The following TULP1 variants were observed in gnomAD, a reference collection of about 807,000 sequenced individuals.
TULP1 encodes the protein tubby-related protein 1.
TULP1 carries 50 observed loss-of-function variants against 67.1 expected under a neutral mutation model. The ratio of observed to expected loss-of-function variants is 0.75; its 90% CI spans 0.59 to 0.94. TULP1 has a LOEUF of 0.94. Ranked by LOEUF, TULP1 falls within the 40% of genes least tolerant of loss-of-function variation. The pLI, the probability that TULP1 is intolerant of heterozygous loss-of-function variation, is 0.00. For synonymous variants in TULP1, 297 were observed against 294.0 expected (o/e 1.01, Z -0.11); for missense variants, 746 against 734.1 (o/e 1.02, Z -0.19).
rs761667984 is a variant in TULP1 at position 35,511,740 on chromosome 6, G to A, written c.257C>T (p.Thr86Met). 9 of 1,587,402 alleles carry A rather than the reference G, an allele frequency of 5.7e-6. No individual in the cohort carries two copies. The highest frequency in any genetic ancestry group is 4.6e-5 in the South Asian group (4 of 87,054). Residue 86 changes from threonine (T) to methionine (M), a missense_variant, in exon 4 of 15, where the codon ACG becomes ATG. This residue lies in a region of TULP1 where 359 missense variants were observed against 341.9 expected (regional missense o/e 1.05). Coordinates refer to ENST00000229771, the MANE Select transcript of TULP1 (RefSeq NM_003322.6). ...PDPAQARAPQ[T>M]VYARFLRDPE... The stretch of plus-strand genomic sequence containing the variant: ...GTCCCTGAGGAACCTGGCGTAGACC[G>A]TCTGCGGCGCCCGGGCCTGGGCTGG...
In TULP1 at chr6:35,506,101, G is replaced by T. The variant is rs201070350; in HGVS notation, c.901C>A (p.Gln301Lys). ...AGCCGGCAGCGCACCGTGCGGCCCT[G>T]GGGGGCAGGCCGGAGCACAAACTCC... ...PREFVLRPAP[Q>K]GRTVRCRLTR... is the part of the protein sequence containing the mutation. Residue 301 changes from glutamine (Q) to lysine (K), a missense_variant, in exon 10 of 15, where the codon CAG (glutamine) becomes AAG (lysine). By Grantham distance (53) the Gln-to-Lys change is moderately conservative (BLOSUM62 1). Coordinates refer to ENST00000229771, the MANE Select transcript of TULP1 (RefSeq NM_003322.6). 6.2e-7 allele frequency: 1 copy of T among 1,613,462 alleles called. No individual in the cohort carries two copies. Among genetic ancestry groups the T allele is most frequent in the South Asian group, 1.1e-5 (1 of 91,068 alleles).
At position 35,512,648 on chromosome 6, in the gene TULP1, G is replaced by T. The variant is rs775605422; in HGVS notation, c.90C>A (p.Arg30=). Residue 30 remains arginine (R), a synonymous_variant, in exon 2 of 15, where the codon CGC becomes CGA. Coordinates refer to ENST00000229771, the MANE Select transcript of TULP1 (RefSeq NM_003322.6). ...AAGTGGGGTGGCATACCTGTTTGGGGCGCCGCGGGGCCTCCGGGCTCAGGC... is the reference window on the plus strand; with the variant it reads ...AAGTGGGGTGGCATACCTGTTTGGGTCGCCGCGGGGCCTCCGGGCTCAGGC... The part of the protein sequence containing the change: ...EESLSPEAPR[R]PKQRPAPAQR... 1 of 1,613,946 alleles carries T rather than the reference G, an allele frequency of 6.2e-7. No individual in the cohort carries two copies. Among genetic ancestry groups the T allele is most frequent in the Admixed American group, 1.7e-5 (1 of 60,008 alleles).
Position 35,511,688 on chromosome 6 carries a change from C to T in TULP1, c.309G>A (p.Arg103=), listed in dbSNP as rs1761205997. The part of the protein sequence containing the change: ...RDPEAKKRDP[R]ETFLVARAPD... ...GGGCACGGGCTACCAGAAAGGTTTC[C>T]CGGGGGTCGCGCTTCTTGGCCTCGG... Residue 103 remains arginine (R), a synonymous_variant, in exon 4 of 15, where the codon CGG becomes CGA. Transcript: ENST00000229771. 1 of 1,594,948 alleles carries T rather than the reference C, an allele frequency of 6.3e-7. No homozygotes were observed.
rs1273940246 is a variant in TULP1, at chr6:35,503,612, T to C, written c.1270A>G (p.Ile424Val). Reference sequence around the variant, plus strand: ...TTCTCCGCACTCATGCCAGGAATGATGACGGTCATGCGCCGGGGGCCACGG... The same window carrying C: ...TTCTCCGCACTCATGCCAGGAATGACGACGGTCATGCGCCGGGGGCCACGG... The part of the protein sequence containing the change: ...GFRGPRRMTV[I>V]IPGMSAENER... The change falls in exon 13 of 15, where the codon ATC becomes GTC. Residue 424 changes from isoleucine (I) to valine (V), a missense_variant. This residue lies in a region of TULP1 where 383 missense variants were observed against 374.1 expected (regional missense o/e 1.02). Coordinates refer to ENST00000229771, the MANE Select transcript of TULP1 (RefSeq NM_003322.6). This position sits in a 1 kb window ranked among gnomAD's most constrained non-coding sequence, Gnocchi z 4.0. 6.3e-7 allele frequency: 1 copy of C among 1,598,456 alleles called. No individual in the cohort carries two copies. Among genetic ancestry groups the C allele is most frequent in the African/African-American group, 1.3e-5 (1 of 74,592 alleles).
At chr6:35,504,571 A>AT (rs1031877618) in intron 11 of TULP1, among the ~76,000 whole-genome samples, 4 of 151,040 alleles carry the variant, frequency 2.6e-5, no homozygotes, top group Non-Finnish European at 4.4e-5. Flanking sequence ...TTTTTTCTTT[A>AT]TTTTTTTCAG....
Position 35,511,696 on chromosome 6 carries a change from C to A in TULP1, c.301G>T (p.Asp101Tyr). Reference protein sequence around the residue: ...FLRDPEAKKRDPRETFLVARA... With the variant: ...FLRDPEAKKRYPRETFLVARA... ...GCTACCAGAAAGGTTTCCCGGGGGT[C>A]GCGCTTCTTGGCCTCGGGGTCCCTG... is the stretch of plus-strand genomic sequence containing the variant. Residue 101 changes from aspartate to tyrosine, a missense_variant, in exon 4 of 15, where the codon GAC becomes TAC. Asp to Tyr is a radical substitution (Grantham distance 160). This residue lies in a region of TULP1 where 359 missense variants were observed against 341.9 expected (regional missense o/e 1.05). Transcript: ENST00000229771. 2 of 1,593,922 alleles carry A rather than the reference C, an allele frequency of 1.3e-6. No individual in the cohort carries two copies. Among genetic ancestry groups the A allele is most frequent in the Non-Finnish European group, 1.7e-6 (2 of 1,170,176 alleles).
chr6:35,503,476 AG>A lies in TULP1; in HGVS notation c.1323+82del. ...GTGTTGGAGGGTGATGGATGTGCTC[AG>A]GGAGTTGGCTATTTCCTAAGCTGAG... On this transcript the variant is annotated intron_variant, in intron 13 of 14. Transcript: ENST00000229771. This position sits in a 1 kb window ranked among gnomAD's most constrained non-coding sequence, Gnocchi z 4.0. The A allele has an allele frequency of 1.5e-6, 2 of 1,354,616 alleles. No individual in the cohort carries two copies. The highest frequency in any genetic ancestry group is 2.1e-6 in the Non-Finnish European group (2 of 973,776). The allele number at this position is 1,354,616 out of a possible 1,614,324, so 83.9% of individuals were successfully genotyped here. A position where few individuals can be genotyped will look rare whatever the true frequency, so the allele number is the denominator to read the frequency against.
Position 35,498,314 on chromosome 6 carries a change from G to C in TULP1, c.*13C>G, listed in dbSNP as rs777972090. On this transcript the variant is annotated 3_prime_UTR_variant, in exon 15 of 15. Coordinates refer to ENST00000229771, the MANE Select transcript of TULP1 (RefSeq NM_003322.6). This position sits in a 1 kb window ranked among gnomAD's most constrained non-coding sequence, Gnocchi z 6.7. ...CGCTGACGGGCTCTGGGGGCGCTGA[G>C]GGGCTGCTGGGGTCACTCGCAGGCC... is the stretch of plus-strand genomic sequence containing the variant. 6.2e-7 allele frequency: 1 copy of C among 1,611,652 alleles called. No homozygotes were observed. The highest frequency in any genetic ancestry group is 1.1e-5 in the South Asian group (1 of 90,800).
At chr6:35,512,532 C>T (rs1466305651) in intron 2 of TULP1, 107 bp downstream of exon 2, 13 of 1,473,254 alleles carry the variant, frequency 8.8e-6, no homozygotes, top group Admixed American at 1.7e-5. Flanking sequence ...ATGCAACCCC[C>T]AGACCCTGCT....
Position 35,511,024 on chromosome 6 carries a change from CT to C in TULP1, c.350-15del. 1 of 1,603,040 alleles carries C rather than the reference CT, an allele frequency of 6.2e-7. No homozygotes were observed. Among genetic ancestry groups the C allele is most frequent in the Non-Finnish European group, 8.5e-7 (1 of 1,179,980 alleles). ...CCTCCTCCTCCTCTGCAGGTAGAAA[CT>C]CTTCATAATGGGGGTTTGAGCCGGG... On this transcript the variant is annotated splice_polypyrimidine_tract_variant and intron_variant, in intron 4 of 14. Coordinates refer to ENST00000229771, the MANE Select transcript of TULP1 (RefSeq NM_003322.6).
rs202027935 is a variant in TULP1 at position 35,506,149 on chromosome 6, G to C, written c.853C>G (p.Pro285Ala). 5.6e-5 allele frequency: 90 copies of C among 1,613,552 alleles called. No individual in the cohort carries two copies. Among genetic ancestry groups the C allele is most frequent in the Non-Finnish European group, 7.2e-5 (85 of 1,179,902 alleles). The part of the protein sequence containing the change: ...KAKEERAPSP[P>A]VEVDEPREFV... ...TCCCGGGGTTCGTCCACCTCCACGG[G>C]GGGAGACGGGGCCCTCTCCTCCTTC... Residue 285 changes from proline (P) to alanine (A), a missense_variant, in exon 10 of 15, where the codon CCC (proline) becomes GCC (alanine). By Grantham distance (27) the Pro-to-Ala change is conservative (BLOSUM62 -1). This residue lies in a region of TULP1 where 383 missense variants were observed against 374.1 expected (regional missense o/e 1.02). Coordinates refer to ENST00000229771, the MANE Select transcript of TULP1 (RefSeq NM_003322.6).
At chr6:35,510,794 G>A (rs895239420) in intron 5 of TULP1, 67 bp downstream of exon 5, 9 of 1,608,168 alleles carry the variant, frequency 5.6e-6, no homozygotes, top group East Asian at 4.5e-5. Context: ...TCAGTGAGAC[G>A]CCAAGCCCTC....
chr6:35,511,957 C>G (rs1031952266), intron 3 of TULP1, 151 bp from the exon 4 acceptor site: 101 of 937,424 alleles, frequency 1.1e-4, no homozygotes, highest in Non-Finnish European at 1.8e-5. Flanking sequence ...CAACACTTCT[C>G]CCCGGCTTCC....
At chr6:35,505,411 C>A (rs1484857727) in intron 11 of TULP1, 1 of 439,538 alleles carries the variant, frequency 2.3e-6, no homozygotes, top group South Asian at 1.9e-5. Context: ...GTGTTCAGTG[C>A]TAGGAATTCA....
chr6:35,504,810 C>T lies in TULP1; in HGVS notation c.1112+931G>A, dbSNP rs574436619. On this transcript the variant is annotated intron_variant, in intron 11 of 14. Coordinates refer to ENST00000229771, the MANE Select transcript of TULP1 (RefSeq NM_003322.6). ...CTTGATCTCCTGACCTTGTGATCCGCCCGCCTCAGCCTCCCAAAGTGCTGG... is the reference window on the plus strand; with the variant it reads ...CTTGATCTCCTGACCTTGTGATCCGTCCGCCTCAGCCTCCCAAAGTGCTGG... Among the ~76,000 whole-genome samples the T allele has an allele frequency of 1.9e-3, 296 of 152,044 alleles. 2 individuals are homozygous for T. The highest frequency in any genetic ancestry group is 6.8e-3 in the African/African-American group (284 of 41,474).
At chr6:35,504,201 C>T (rs922100043) in intron 11 of TULP1, 19 of 291,080 alleles carry the variant, frequency 6.5e-5, no homozygotes, top group African/African-American at 2.4e-4. Context: ...TATCTAGGCA[C>T]GGTGGCATGT....
chr6:35,512,519 G>C, intron 2 of TULP1, 120 bp downstream of exon 2: 2 of 1,338,506 alleles, frequency 1.5e-6, no homozygotes, highest in Non-Finnish European at 2.1e-6. Flanking sequence ...CAGATCTCCA[G>C]ACATGCAACC....
At position 35,512,281 on chromosome 6, in the gene TULP1, G is replaced by A. The variant is rs772920882; in HGVS notation, c.100-11C>T. 5.8e-6 allele frequency: 8 copies of A among 1,374,514 alleles called. No individual in the cohort carries two copies. In the Admixed American group the frequency reaches 1.3e-4, roughly 23 times the overall value. 85.1% of individuals were successfully genotyped at this position (1,374,514 alleles called of 1,614,324 possible). Reference sequence around the variant, plus strand: ...TGCCGGGGCGGGTCGCTGCGGAACGGGGGTCAAGAGGAGGTCGAGGAAGGA... The same window carrying A: ...TGCCGGGGCGGGTCGCTGCGGAACGAGGGTCAAGAGGAGGTCGAGGAAGGA... On this transcript the variant is annotated splice_polypyrimidine_tract_variant and intron_variant, in intron 2 of 14. Coordinates refer to ENST00000229771, the MANE Select transcript of TULP1 (RefSeq NM_003322.6).
chr6:35,509,630 C>T lies in TULP1; in HGVS notation c.718+4G>A. On this transcript the variant is annotated splice_donor_region_variant and intron_variant, in intron 7 of 14. Coordinates refer to ENST00000229771, the MANE Select transcript of TULP1 (RefSeq NM_003322.6). ...TCACCACACCAGAAGCCCTTGCCAT[C>T]CACCTTTCTTCTTCAGGGCTTTCTT... 1 of 1,613,832 alleles carries T rather than the reference C, an allele frequency of 6.2e-7. No individual in the cohort carries two copies. Among genetic ancestry groups the T allele is most frequent in the African/African-American group, 1.3e-5 (1 of 75,040 alleles).
Sources: gnomAD v4.1 joint callset for allele counts (sites outside exome capture counted in the v4.1 genomes callset) on GRCh38, gnomAD v4.1.1 for gene constraint, gnomAD v4.1.1 regional missense constraint, Gnocchi (gnomAD v3.1) non-coding constraint, MANE v1.5 for transcripts, NCBI Gene and HGNC (gene_info 2026-07-23, HGNC 2026-07-21) for gene names.